TNFAIP6: variants seen among roughly 807,000 people sequenced by gnomAD.
TNFAIP6 encodes the protein tumor necrosis factor-inducible gene 6 protein.
Under a neutral mutation model 33.7 loss-of-function variants are expected in TNFAIP6, and 36 were observed. The observed-to-expected ratio is 1.07, with a 90% CI of 0.82 to 1.41. The LOEUF is 1.41. Ranked by LOEUF, TNFAIP6 falls within the 40% of genes most tolerant of loss-of-function variation. The probability of loss-of-function intolerance (pLI) is 0.00; values close to 1 mark genes in which losing one functional copy is unlikely to be tolerated. For missense variants in TNFAIP6, 273 were observed against 331.9 expected (o/e 0.82, Z 1.38); for synonymous variants, 113 against 112.8 (o/e 1.00, Z -0.01).
intron 1 of TNFAIP6, 33 bp downstream of exon 1, chr2:151,357,793 G>A (rs758855392): frequency 1.5e-6 from 2 of 1,321,966 alleles, no homozygotes; most frequent in Non-Finnish European, 2.2e-6. Flanking sequence ...CTCTTGTTGA[G>A]AATGTCAATT....
At position 151,370,216 on chromosome 2, in the gene TNFAIP6, C is replaced by T. The variant is rs751759841; in HGVS notation, c.591C>T (p.Asp197=). The change falls in exon 4 of 6, where the codon GAC becomes GAT. Residue 197 remains aspartate, a synonymous_variant. Coordinates refer to ENST00000243347, the MANE Select transcript of TNFAIP6 (RefSeq NM_007115.4). The part of the protein sequence containing the change: ...GCLADYVEIY[D]SYDDVHGFVG... Reference sequence around the variant, plus strand: ...TGGCTGATTATGTTGAAATATATGACAGTTACGATGATGTCCATGGCTTTG... The same window carrying T: ...TGGCTGATTATGTTGAAATATATGATAGTTACGATGATGTCCATGGCTTTG... The T allele has an allele frequency of 6.2e-7, 1 of 1,614,050 alleles. No individual in the cohort carries two copies. Among genetic ancestry groups the T allele is most frequent in the Non-Finnish European group, 8.5e-7 (1 of 1,179,964 alleles).
intron 2 of TNFAIP6, 45 bp downstream of exon 2, chr2:151,364,125 GA>G (rs748269349): frequency 1.9e-6 from 3 of 1,594,730 alleles, no homozygotes; most frequent in East Asian, 2.3e-5. Context: ...ATCCTTGGAG[GA>G]AAAAAATCCA....
intron 3 of TNFAIP6, among the ~76,000 whole-genome samples, chr2:151,367,643 T>G (rs1301022520): frequency 3.3e-5 from 5 of 152,192 alleles, no homozygotes; most frequent in African/African-American, 1.2e-4. Context: ...TCCTAAATTA[T>G]AAATTATTAT....
chr2:151,368,330 T>C (rs891011047), intron 3 of TNFAIP6: 1 of 150,632 alleles, frequency 6.6e-6, no homozygotes, highest in African/African-American at 2.4e-5. Context: ...TGACCTTCAT[T>C]TGTTGCTCCC....
chr2:151,363,282 G>A (rs1357124294), intron 1 of TNFAIP6, among the ~76,000 whole-genome samples: 1 of 151,512 alleles, frequency 6.6e-6, no homozygotes, highest in African/African-American at 2.4e-5. Flanking sequence ...CACCAGCCTG[G>A]GCGACAGAGT....
chr2:151,366,447 T>C (rs1253741648), intron 3 of TNFAIP6, among the ~76,000 whole-genome samples: 1 of 152,238 alleles, frequency 6.6e-6, no homozygotes, highest in Non-Finnish European at 1.5e-5. Flanking sequence ...GCTATTGTTA[T>C]ACCTATTTTA....
intron 1 of TNFAIP6, among the ~76,000 whole-genome samples, chr2:151,358,200 G>C (rs1684567132): frequency 6.6e-6 from 1 of 152,084 alleles, no homozygotes; most frequent in Non-Finnish European, 1.5e-5. Context: ...TGGACTCTGA[G>C]CTATAGTCTA....
chr2:151,366,272 A>G (rs1158734617), intron 3 of TNFAIP6, 55 bp downstream of exon 3: 34 of 1,523,354 alleles, frequency 2.2e-5, no homozygotes, highest in Non-Finnish European at 2.9e-5. Context: ...TGCTGCTAAG[A>G]GGTTGTTAAA....
chr2:151,367,673 G>A (rs954401904), intron 3 of TNFAIP6, among the ~76,000 whole-genome samples: 1 of 151,982 alleles, frequency 6.6e-6, no homozygotes, highest in Admixed American at 6.6e-5. Flanking sequence ...TCTTTTCTCA[G>A]AGAGGCTGAA....
In TNFAIP6 at chr2:151,379,499, A is replaced by G. The variant is rs1333603367; in HGVS notation, c.800A>G (p.Lys267Arg). The change falls in exon 6 of 6, where the codon AAA becomes AGA. Residue 267 changes from lysine (K) to arginine (R), a missense_variant. Physicochemically the swap from Lys to Arg is conservative, Grantham distance 26. Transcript: ENST00000243347. Reference sequence around the variant, plus strand: ...ACAAGTACTACTTCTACTGGAAATAAAAACTTTTTAGCTGGAAGATTTAGC... The same window carrying G: ...ACAAGTACTACTTCTACTGGAAATAGAAACTTTTTAGCTGGAAGATTTAGC... ...KNTSTTSTGN[K>R]NFLAGRFSHL 1 of 1,582,522 alleles carries G rather than the reference A, an allele frequency of 6.3e-7. No homozygotes were observed. Among genetic ancestry groups the G allele is most frequent in the Non-Finnish European group, 8.5e-7 (1 of 1,170,722 alleles).
Position 151,363,972 on chromosome 2 carries a change from G to C in TNFAIP6, c.124G>C (p.Ala42Pro), listed in dbSNP as rs1308388959. The part of the protein sequence containing the change: ...ERAAGVYHRE[A>P]RSGKYKLTYA... ...AGCAGCCGGTGTGTACCACAGAGAA[G>C]CACGGTCTGGCAAATACAAGCTCAC... Residue 42 changes from alanine (A) to proline (P), a missense_variant, in exon 2 of 6, where the codon GCA becomes CCA. Physicochemically the swap from Ala to Pro is conservative, Grantham distance 27 (BLOSUM62 -1). Coordinates refer to ENST00000243347, the MANE Select transcript of TNFAIP6 (RefSeq NM_007115.4). 6.2e-7 allele frequency: 1 copy of C among 1,614,000 alleles called. No individual in the cohort carries two copies. The highest frequency in any genetic ancestry group is 1.3e-5 in the African/African-American group (1 of 74,924).
chr2:151,375,152 A>C (rs1558901601), intron 5 of TNFAIP6, among the ~76,000 whole-genome samples: 1 of 149,478 alleles, frequency 6.7e-6, no homozygotes, highest in Non-Finnish European at 1.5e-5. Context: ...AAAAAGTCTG[A>C]AATTTTACAT....
chr2:151,358,077 C>T (rs1199508735), intron 1 of TNFAIP6, among the ~76,000 whole-genome samples: 2 of 152,002 alleles, frequency 1.3e-5, no homozygotes, highest in Non-Finnish European at 2.9e-5. Flanking sequence ...TTTCTTTAAC[C>T]AACTAGAAAC....
chr2:151,366,340 A>C, intron 3 of TNFAIP6, 123 bp downstream of exon 3: 3 of 807,786 alleles, frequency 3.7e-6, no homozygotes, highest in South Asian at 1.8e-5. Flanking sequence ...ACTACTACTA[A>C]TAACTACAAT....
At chr2:151,362,313 G>A (rs1044196708) in intron 1 of TNFAIP6, among the ~76,000 whole-genome samples, 2 of 151,980 alleles carry the variant, frequency 1.3e-5, no homozygotes, top group Admixed American at 1.3e-4. Flanking sequence ...GGAAAAATAT[G>A]TGAACTAAAA....
At chr2:151,364,661 A>G (rs1425851712) in intron 2 of TNFAIP6, among the ~76,000 whole-genome samples, 6 of 152,206 alleles carry the variant, frequency 3.9e-5, no homozygotes, top group Non-Finnish European at 8.8e-5. Context: ...CCAGCAATCA[A>G]CTGGTGTTAC....
chr2:151,362,957 A>T (rs1684652874), intron 1 of TNFAIP6, among the ~76,000 whole-genome samples: 1 of 152,194 alleles, frequency 6.6e-6, no homozygotes, highest in African/African-American at 2.4e-5. Context: ...TATATAGCTT[A>T]AATCCAACAG....
chr2:151,378,511 G>A (rs902026786), intron 5 of TNFAIP6, among the ~76,000 whole-genome samples: 10 of 149,544 alleles, frequency 6.7e-5, no homozygotes, highest in South Asian at 2.1e-4. Context: ...TTTTTGAGAC[G>A]GAGTTTTGCT....
At chr2:151,373,507 A>G (rs1558901152) in intron 4 of TNFAIP6, 42 bp from the exon 5 acceptor site, 3 of 1,324,288 alleles carry the variant, frequency 2.3e-6, no homozygotes, top group East Asian at 5.0e-5. Context: ...GCTGTATAAT[A>G]TTCATTTGTG....
Sources: gnomAD v4.1 joint callset for allele counts (sites outside exome capture counted in the v4.1 genomes callset) on GRCh38, gnomAD v4.1.1 for gene constraint, MANE v1.5 for transcripts, NCBI Gene and HGNC (gene_info 2026-07-23, HGNC 2026-07-21) for gene names.